The following CD2AP variants were observed in gnomAD, a reference collection of about 807,000 sequenced individuals.
The protein encoded by CD2AP is CD2 associated protein.
A neutral mutation model predicts 85.1 loss-of-function variants in CD2AP; 46 were observed. The ratio of observed to expected loss-of-function variants is 0.54; its 90% CI spans 0.43 to 0.69. The LOEUF (loss-of-function observed/expected upper bound fraction) is 0.69, where lower values mean the gene tolerates loss of function less well. Among genes scored for constraint, CD2AP ranks in the 30% least tolerant of loss-of-function variants. CD2AP has a pLI of 0.00. For missense variants in CD2AP, 769 were observed against 729.5 expected (o/e 1.05, Z -0.62); for synonymous variants, 255 against 252.9 (o/e 1.01, Z -0.08).
At chr6:47,508,365 G>C (rs1488422836) in intron 2 of CD2AP, among the ~76,000 whole-genome samples, 1 of 152,078 alleles carries the variant, frequency 6.6e-6, no homozygotes, top group Admixed American at 6.5e-5. Flanking sequence ...TTCTTTCCTT[G>C]AACCTCATGA....
At position 47,477,971 on chromosome 6, in the gene CD2AP, G is replaced by A. The variant is rs1333296042; in HGVS notation, c.-274G>A. ...CAGGGTGGGAAAACCGCGGTCGGGC[G>A]GGCGGGGTAGGGCCCTCCCGCCGCC... On this transcript the variant is annotated 5_prime_UTR_variant, in exon 1 of 18. Coordinates refer to ENST00000359314, the MANE Select transcript of CD2AP (RefSeq NM_012120.3). 1.7e-5 allele frequency: 9 copies of A among 536,962 alleles called. No individual in the cohort carries two copies. The highest frequency in any genetic ancestry group is 1.4e-4 in the African/African-American group (7 of 49,206). The allele number at this position is 536,962 out of a possible 1,614,324, so 33.3% of individuals were successfully genotyped here.
intron 1 of CD2AP, among the ~76,000 whole-genome samples, chr6:47,495,866 C>T (rs9367282): frequency 0.31 from 47,763 of 152,018 alleles, 8,665 homozygotes; most frequent in Middle Eastern, 0.52. Flanking sequence ...TCACTACATG[C>T]ATTCTCAACT....
At chr6:47,573,989 T>A in intron 5 of CD2AP, 75 bp from the exon 6 acceptor site, 1 of 1,249,922 alleles carries the variant, frequency 8.0e-7, no homozygotes, top group South Asian at 1.2e-5. Context: ...GCATATAGAA[T>A]GTAGACATTA....
chr6:47,614,992 A>G (rs1307924009), intron 17 of CD2AP, among the ~76,000 whole-genome samples: 7 of 151,918 alleles, frequency 4.6e-5, no homozygotes, highest in Admixed American at 4.6e-4. Flanking sequence ...GTTCATTTGC[A>G]TTATTCTTTC....
At chr6:47,591,684 T>C (rs1768796306) in intron 11 of CD2AP, among the ~76,000 whole-genome samples, 1 of 152,196 alleles carries the variant, frequency 6.6e-6, no homozygotes, top group Non-Finnish European at 1.5e-5. Context: ...ATGGGTTAAC[T>C]TATTACGTAC....
chr6:47,485,839 T>G (rs997109520), intron 1 of CD2AP, among the ~76,000 whole-genome samples: 3 of 152,160 alleles, frequency 2.0e-5, no homozygotes, highest in African/African-American at 7.2e-5. Flanking sequence ...CAGTATTGAG[T>G]ACAATAGCAT....
intron 14 of CD2AP, 141 bp from the exon 15 acceptor site, chr6:47,607,786 G>A (rs1268534314): frequency 4.9e-6 from 3 of 613,568 alleles, no homozygotes; most frequent in African/African-American, 3.7e-5. Flanking sequence ...AAAGTATATA[G>A]CATCCTATTA....
At chr6:47,524,506 C>CT (rs1299264190) in intron 2 of CD2AP, among the ~76,000 whole-genome samples, 1 of 152,120 alleles carries the variant, frequency 6.6e-6, no homozygotes, top group Non-Finnish European at 1.5e-5. Context: ...ATGAACAAAA[C>CT]TATTAGGAAA....
intron 16 of CD2AP, among the ~76,000 whole-genome samples, chr6:47,610,971 A>ATATATATATATTTTTTTT: frequency 8.9e-6 from 1 of 112,908 alleles, no homozygotes; most frequent in African/African-American, 3.6e-5. Context: ...ATATATATGT[A>ATATATATATATTTTTTTT]TTTTTTTTTT....
chr6:47,532,034 A>G (rs1766893244), intron 2 of CD2AP, among the ~76,000 whole-genome samples: 2 of 152,080 alleles, frequency 1.3e-5, no homozygotes, highest in South Asian at 4.2e-4. Flanking sequence ...GATCGCGCTC[A>G]GTGCACTCCA....
At chr6:47,615,023 G>A (rs1024612240) in intron 17 of CD2AP, among the ~76,000 whole-genome samples, 2 of 152,080 alleles carry the variant, frequency 1.3e-5, no homozygotes, top group African/African-American at 4.8e-5. Flanking sequence ...AGAGAAAGTT[G>A]TATCCTACCT....
chr6:47,558,722 G>C (rs183361011), intron 5 of CD2AP, among the ~76,000 whole-genome samples: 59 of 152,276 alleles, frequency 3.9e-4, no homozygotes, highest in Non-Finnish European at 7.5e-4. Context: ...GATTTGGTTT[G>C]CCAGTATTTT....
intron 2 of CD2AP, among the ~76,000 whole-genome samples, chr6:47,517,463 C>A (rs1312193346): frequency 1.3e-5 from 2 of 151,818 alleles, no homozygotes. Flanking sequence ...AATGTTTTTT[C>A]TATTTTTTGT....
chr6:47,553,226 C>T (rs926166714), intron 4 of CD2AP, among the ~76,000 whole-genome samples: 2 of 151,964 alleles, frequency 1.3e-5, no homozygotes, highest in Non-Finnish European at 2.9e-5. Context: ...AGGTTGCCTA[C>T]CTTTTATGAG....
chr6:47,529,160 C>T (rs1332831067), intron 2 of CD2AP, among the ~76,000 whole-genome samples: 13 of 147,734 alleles, frequency 8.8e-5, no homozygotes, highest in African/African-American at 3.0e-4. Context: ...CTGCTCTCAC[C>T]TGGTATATTT....
chr6:47,543,148 C>CAAAAAAAAAAAAAAAAAAAAAAAGAAAAA (rs1767267018), intron 3 of CD2AP, among the ~76,000 whole-genome samples: 1 of 60,322 alleles, frequency 1.7e-5, no homozygotes, highest in African/African-American at 7.0e-5. Context: ...AAGACTGTCT[C>CAAAAAAAAAAAAAAAAAAAAAAAGAAAAA]AAAAAAAAAA....
chr6:47,499,802 C>T (rs1174674613), intron 1 of CD2AP, among the ~76,000 whole-genome samples: 1 of 152,150 alleles, frequency 6.6e-6, no homozygotes, highest in Non-Finnish European at 1.5e-5. Context: ...GACCTCGGCT[C>T]ACTGCAACTT....
intron 5 of CD2AP, among the ~76,000 whole-genome samples, chr6:47,557,466 G>A (rs6931011): frequency 0.27 from 41,172 of 152,010 alleles, 5,756 homozygotes; most frequent in African/African-American, 0.33. Flanking sequence ...TAGGTCTTAC[G>A]TTTAAATCTG....
In CD2AP at chr6:47,624,885, CAAAAT is replaced by C. The variant is rs1477533379; in HGVS notation, c.*661_*665del. On this transcript the variant is annotated 3_prime_UTR_variant, in exon 18 of 18. Transcript: ENST00000359314. The stretch of plus-strand genomic sequence containing the variant: ...CATATAGTAAGAACTAATGAATAAT[CAAAAT>C]AATTTCATCAACTTTTAGAATATTT... 1 of 151,748 alleles carries C rather than the reference CAAAAT, an allele frequency of 6.6e-6. No homozygotes were observed. The highest frequency in any genetic ancestry group is 1.5e-5 in the Non-Finnish European group (1 of 67,812). 9.4% of individuals were successfully genotyped at this position (151,748 alleles called of 1,614,324 possible).
Sources: gnomAD v4.1 joint callset for allele counts (sites outside exome capture counted in the v4.1 genomes callset) on GRCh38, gnomAD v4.1.1 for gene constraint, MANE v1.5 for transcripts, NCBI Gene and HGNC (gene_info 2026-07-23, HGNC 2026-07-21) for gene names.